FBLN2: variants seen among roughly 807,000 people sequenced by gnomAD.
FBLN2 encodes the protein fibulin 2, also known as fibulin-2.
In FBLN2, 81 loss-of-function variants were observed where a neutral mutation model predicts 123.7. That is an observed-to-expected ratio of 0.65 (90% confidence interval 0.55 to 0.79). FBLN2 has a LOEUF of 0.79. Ranked by LOEUF, FBLN2 falls within the 30% of genes least tolerant of loss-of-function variation. FBLN2 has a pLI of 0.00. For missense variants in FBLN2, 1,603 were observed against 1,681.3 expected (o/e 0.95, Z 0.81); for synonymous variants, 699 against 701.4 (o/e 1.00, Z 0.05).
chr3:13,614,297 A>G, intron 5 of FBLN2, 133 bp downstream of exon 5: 1 of 892,326 alleles, frequency 1.1e-6, no homozygotes, highest in Middle Eastern at 3.4e-4. Context: ...AGTTCTGAGG[A>G]TGGTGATTTC....
chr3:13,555,230 G>A (rs1703431190), intron 1 of FBLN2, among the ~76,000 whole-genome samples: 1 of 152,048 alleles, frequency 6.6e-6, no homozygotes, highest in African/African-American at 2.4e-5. Context: ...GGGATTACAG[G>A]CGTGAGCCAC....
chr3:13,630,856 C>T, intron 15 of FBLN2, 41 bp downstream of exon 15: 2 of 1,456,014 alleles, frequency 1.4e-6, no homozygotes, highest in South Asian at 2.4e-5. Flanking sequence ...CAGAGAGTCA[C>T]TCCTTTCCCT....
Position 13,597,129 on chromosome 3 carries a change from G to A in FBLN2, c.1307-10933G>A, listed in dbSNP as rs189703757. On this transcript the variant is annotated intron_variant, in intron 2 of 17. Transcript: ENST00000404922. Reference sequence around the variant, plus strand: ...AAATTTTTTGTAGAGATGGAGTCTGGCTGTGTTTCCCAGGCTGGTCTTGAA... The same window carrying A: ...AAATTTTTTGTAGAGATGGAGTCTGACTGTGTTTCCCAGGCTGGTCTTGAA... Among the ~76,000 whole-genome samples the A allele has an allele frequency of 1.1e-3, 162 of 152,138 alleles. 1 individual carries two copies. Among genetic ancestry groups the A allele is most frequent in the African/African-American group, 3.8e-3 (158 of 41,506 alleles).
intron 9 of FBLN2, among the ~76,000 whole-genome samples, chr3:13,623,519 C>T (rs1391246733): frequency 1.3e-5 from 2 of 152,162 alleles, no homozygotes; most frequent in East Asian, 1.9e-4. Context: ...GTGTTCATCC[C>T]GTCGTGTTAG....
intron 1 of FBLN2, among the ~76,000 whole-genome samples, chr3:13,557,628 C>T (rs1287469730): frequency 6.6e-6 from 1 of 152,206 alleles, no homozygotes; most frequent in East Asian, 1.9e-4. Context: ...GCAAGGCAGC[C>T]TCCTCCCAGG....
intron 4 of FBLN2, 46 bp downstream of exon 4, chr3:13,609,688 G>GGGC: frequency 7.8e-6 from 4 of 512,602 alleles, no homozygotes; most frequent in Non-Finnish European, 1.4e-5. Flanking sequence ...GTGGGGCGGG[G>GGGC]CGGGAGGCTG....
intron 1 of FBLN2, among the ~76,000 whole-genome samples, chr3:13,561,428 C>G (rs1703596418): frequency 2.0e-5 from 3 of 152,146 alleles, no homozygotes; most frequent in Non-Finnish European, 4.4e-5. Context: ...TCCCCACCCC[C>G]CCGCCACCTC....
chr3:13,603,077 A>T (rs891019304), intron 2 of FBLN2, among the ~76,000 whole-genome samples: 3 of 150,850 alleles, frequency 2.0e-5, no homozygotes, highest in African/African-American at 7.3e-5. Flanking sequence ...AGCCTGGCTA[A>T]TTTTTTTGTA....
Position 13,608,065 on chromosome 3 carries a change from C to T in FBLN2, c.1310C>T (p.Ser437Phe), listed in dbSNP as rs1278624886. 3 of 1,576,574 alleles carry T rather than the reference C, an allele frequency of 1.9e-6. No individual in the cohort carries two copies. Among genetic ancestry groups the T allele is most frequent in the Middle Eastern group, 3.3e-4 (2 of 6,032 alleles). The change falls in exon 3 of 18, where the codon TCC (serine) becomes TTC (phenylalanine). Residue 437 changes from serine (S) to phenylalanine (F), a missense_variant. By Grantham distance (155) the Ser-to-Phe change is radical. Coordinates refer to ENST00000404922, the MANE Select transcript of FBLN2 (RefSeq NM_001004019.2). ...HSIPRSSPEG[S>F]TKDLIETCCA... ...TGCCTCATGTTGCTATCCACAGGCT[C>T]CACCAAGGACCTGATCGAGACTTGC... is the stretch of plus-strand genomic sequence containing the variant.
At position 13,570,330 on chromosome 3, in the gene FBLN2, G is replaced by A. The variant is rs758195210; in HGVS notation, c.-26G>A. On this transcript the variant is annotated 5_prime_UTR_variant, in exon 2 of 18. Coordinates refer to ENST00000404922, the MANE Select transcript of FBLN2 (RefSeq NM_001004019.2). ...ATTCCCCCAGGGTCTTACAGGAGAG[G>A]GGACCGTCCTGGGCTGGCCTGGACC... The A allele has an allele frequency of 1.7e-5, 26 of 1,497,992 alleles. No homozygotes were observed. In the African/African-American group the frequency reaches 2.8e-4, roughly 16 times the overall value. 92.8% of individuals were successfully genotyped at this position (1,497,992 alleles called of 1,614,324 possible). A position where few individuals can be genotyped will look rare whatever the true frequency, so the allele number is the denominator to read the frequency against.
chr3:13,592,998 G>A (rs758274378), intron 2 of FBLN2, among the ~76,000 whole-genome samples: 3 of 152,178 alleles, frequency 2.0e-5, no homozygotes, highest in Non-Finnish European at 4.4e-5. Flanking sequence ...AGCCCAGCCC[G>A]GACTACAGAG....
chr3:13,569,126 G>A (rs1359294700), intron 1 of FBLN2: 1 of 906,690 alleles, frequency 1.1e-6, no homozygotes, highest in East Asian at 1.2e-4. Flanking sequence ...CTGGGGACTT[G>A]GGCCAGGGTG....
intron 2 of FBLN2, among the ~76,000 whole-genome samples, chr3:13,590,201 G>T (rs1488137965): frequency 6.6e-6 from 1 of 152,112 alleles, no homozygotes; most frequent in Non-Finnish European, 1.5e-5. Flanking sequence ...TAGAGATGGG[G>T]TCTACCTATG....
intron 8 of FBLN2, among the ~76,000 whole-genome samples, chr3:13,620,542 G>A (rs574915261): frequency 2.0e-5 from 3 of 152,316 alleles, no homozygotes; most frequent in African/African-American, 7.2e-5. Flanking sequence ...TCTTTGTGGG[G>A]CCTCTGTGGG....
intron 2 of FBLN2, among the ~76,000 whole-genome samples, chr3:13,573,387 C>T (rs1313066163): frequency 6.6e-6 from 1 of 152,100 alleles, no homozygotes; most frequent in Non-Finnish European, 1.5e-5. Context: ...AGGGAGCCTT[C>T]CCTGACCCCC....
At chr3:13,632,907 C>T (rs1166006167) in intron 16 of FBLN2, among the ~76,000 whole-genome samples, 1 of 152,100 alleles carries the variant, frequency 6.6e-6, no homozygotes, top group Admixed American at 6.5e-5. Flanking sequence ...GTGCTCAGCT[C>T]GGCAGGAAAT....
chr3:13,610,919 AT>A (rs66578842), intron 4 of FBLN2, among the ~76,000 whole-genome samples: 17,105 of 150,390 alleles, frequency 0.11, 1,139 homozygotes, highest in African/African-American at 0.16. Context: ...TATTATTATT[AT>A]TATTATTTTG....
At chr3:13,601,350 C>T (rs1268665573) in intron 2 of FBLN2, among the ~76,000 whole-genome samples, 1 of 152,322 alleles carries the variant, frequency 6.6e-6, no homozygotes, top group East Asian at 1.9e-4. Context: ...AGAGTTGCCT[C>T]CTGTCACCAG....
chr3:13,559,313 C>A (rs927507086), intron 1 of FBLN2, among the ~76,000 whole-genome samples: 12 of 151,284 alleles, frequency 7.9e-5, no homozygotes, highest in African/African-American at 2.9e-4. Context: ...TGGCTGGATC[C>A]AGGTGCCAGG....
Sources: gnomAD v4.1 joint callset for allele counts (sites outside exome capture counted in the v4.1 genomes callset) on GRCh38, gnomAD v4.1.1 for gene constraint, MANE v1.5 for transcripts, NCBI Gene and HGNC (gene_info 2026-07-23, HGNC 2026-07-21) for gene names.